FGF12: variants seen among roughly 807,000 people sequenced by gnomAD.
FGF12 encodes fibroblast growth factor 12.
In FGF12, 14 loss-of-function variants were observed where a neutral mutation model predicts 23.6. The observed-to-expected ratio is 0.59, with a 90% CI of 0.39 to 0.93. The LOEUF is 0.93. Among genes scored for constraint, FGF12 ranks in the 40% least tolerant of loss-of-function variants. FGF12 has a pLI of 0.00. For missense variants in FGF12, 175 were observed against 217.8 expected (o/e 0.80, Z 1.24); for synonymous variants, 62 against 77.3 (o/e 0.80, Z 1.04).
chr3:192,560,172 C>A (rs1462608850), intron 2 of FGF12, among the ~76,000 whole-genome samples: 3 of 151,850 alleles, frequency 2.0e-5, no homozygotes, highest in Admixed American at 2.0e-4. Context: ...TAGATAATTT[C>A]TGAAAATGTA....
intron 2 of FGF12, among the ~76,000 whole-genome samples, chr3:192,706,487 C>T (rs867494869): frequency 6.6e-6 from 1 of 152,068 alleles, no homozygotes; most frequent in South Asian, 2.1e-4. Context: ...CCGCCCAGTG[C>T]CACTTCCTTC....
At chr3:192,305,679 A>AAAATATATATATATAT (rs1423738741) in intron 4 of FGF12, among the ~76,000 whole-genome samples, 12 of 131,924 alleles carry the variant, frequency 9.1e-5, no homozygotes, top group South Asian at 7.9e-4. Context: ...AAAAAAAAAA[A>AAAATATATATATATAT]ATATATATAT....
intron 4 of FGF12, among the ~76,000 whole-genome samples, chr3:192,182,759 G>T (rs909531692): frequency 3.3e-5 from 5 of 152,054 alleles, no homozygotes; most frequent in Non-Finnish European, 4.4e-5. Context: ...ACATCCAGGG[G>T]GCCCTGAAAT....
intron 5 of FGF12, among the ~76,000 whole-genome samples, chr3:192,154,647 C>T (rs1426348431): frequency 1.4e-5 from 2 of 148,124 alleles, no homozygotes; most frequent in African/African-American, 5.0e-5. Flanking sequence ...GTCAGGGACC[C>T]ACTTGAGGAG....
At chr3:192,656,326 GAGAA>G (rs1341067198) in intron 2 of FGF12, among the ~76,000 whole-genome samples, 3 of 144,772 alleles carry the variant, frequency 2.1e-5, no homozygotes, top group African/African-American at 7.8e-5. Flanking sequence ...CACACAGAGA[GAGAA>G]TTATAGTAAA....
chr3:192,709,682 C>T (rs1718600021), intron 2 of FGF12, among the ~76,000 whole-genome samples: 1 of 152,120 alleles, frequency 6.6e-6, no homozygotes. Context: ...TTAAGTTTTC[C>T]AGTTATAAAT....
At chr3:192,146,015 G>A (rs1713678915) in intron 5 of FGF12, among the ~76,000 whole-genome samples, 1 of 152,098 alleles carries the variant, frequency 6.6e-6, no homozygotes, top group South Asian at 2.1e-4. Flanking sequence ...ATGCACAGGG[G>A]AACGCAAGAA....
At chr3:192,280,737 A>G (rs935199448) in intron 4 of FGF12, among the ~76,000 whole-genome samples, 7 of 152,186 alleles carry the variant, frequency 4.6e-5, no homozygotes, top group African/African-American at 1.7e-4. Context: ...AAGAGCTAGG[A>G]TGTGACAACA....
chr3:192,204,930 G>A (rs1203482984), intron 4 of FGF12, among the ~76,000 whole-genome samples: 1 of 151,784 alleles, frequency 6.6e-6, no homozygotes, highest in Non-Finnish European at 1.5e-5. Flanking sequence ...AAGAAAGAAA[G>A]AAAAAATTTG....
At chr3:192,486,710 A>G (rs1723645316) in intron 2 of FGF12, among the ~76,000 whole-genome samples, 2 of 151,996 alleles carry the variant, frequency 1.3e-5, no homozygotes, top group South Asian at 4.1e-4. Flanking sequence ...ATGGGAAGAC[A>G]TTGAGGAGTA....
chr3:192,607,863 A>AG (rs1714401293), intron 2 of FGF12, among the ~76,000 whole-genome samples: 1 of 151,026 alleles, frequency 6.6e-6, no homozygotes, highest in Non-Finnish European at 1.5e-5. Context: ...AAAAAAAAAA[A>AG]AAAAGAAGAA....
At position 192,403,819 on chromosome 3, in the gene FGF12, C is replaced by T. The variant is rs140739297; in HGVS notation, c.14-43281G>A. Among the ~76,000 whole-genome samples the T allele has an allele frequency of 2.9e-3, 444 of 152,124 alleles. 8 individuals are homozygous for T. The highest frequency in any genetic ancestry group is 0.02 in the Admixed American group (307 of 15,272). ...TTCTTCTTGAAGTTTCTATTTCCTA[C>T]GATATTTTCTTCCTCTATGCAAAAG... On this transcript the variant is annotated intron_variant, in intron 2 of 5. Coordinates refer to ENST00000445105, the MANE Select transcript of FGF12 (RefSeq NM_004113.6).
intron 2 of FGF12, among the ~76,000 whole-genome samples, chr3:192,629,997 A>G (rs1715322674): frequency 6.6e-6 from 1 of 152,168 alleles, no homozygotes. Context: ...CCGGTATCAG[A>G]AGTGGGGCCC....
At chr3:192,560,752 A>C (rs559189377) in intron 2 of FGF12, among the ~76,000 whole-genome samples, 1 of 152,272 alleles carries the variant, frequency 6.6e-6, no homozygotes, top group Non-Finnish European at 1.5e-5. Context: ...ATATTAAAGA[A>C]AGAAGAATGC....
chr3:192,678,446 C>T (rs1717405038), intron 2 of FGF12, among the ~76,000 whole-genome samples: 1 of 152,212 alleles, frequency 6.6e-6, no homozygotes, highest in Non-Finnish European at 1.5e-5. Context: ...GGATCCCCTT[C>T]TCAGCTCTTC....
At chr3:192,329,610 A>G (rs867088319) in intron 4 of FGF12, among the ~76,000 whole-genome samples, 4 of 152,326 alleles carry the variant, frequency 2.6e-5, no homozygotes, top group South Asian at 4.1e-4. Flanking sequence ...TCTTTCCTGT[A>G]TAAAATGAAA....
chr3:192,244,149 C>T (rs1290373996), intron 4 of FGF12, among the ~76,000 whole-genome samples: 3 of 152,002 alleles, frequency 2.0e-5, no homozygotes, highest in Admixed American at 6.6e-5. Flanking sequence ...CTAGGGAGAT[C>T]GATTTGGCAT....
intron 4 of FGF12, among the ~76,000 whole-genome samples, chr3:192,203,731 C>T (rs1348874396): frequency 6.6e-6 from 1 of 151,860 alleles, no homozygotes. Flanking sequence ...TACAGACTTC[C>T]AAGTAGTTCA....
chr3:192,420,421 C>G (rs1336003553), intron 2 of FGF12, among the ~76,000 whole-genome samples: 1 of 152,180 alleles, frequency 6.6e-6, no homozygotes, highest in Non-Finnish European at 1.5e-5. Context: ...TCCCCTCCAA[C>G]TCTTATGTTG....
Sources: allele counts gnomAD v4.1 joint callset (sites outside exome capture counted in the v4.1 genomes callset), GRCh38; gene constraint gnomAD v4.1.1; transcripts MANE v1.5; gene names NCBI Gene and HGNC (gene_info 2026-07-23, HGNC 2026-07-21).